Variants in ADAMTSL1 observed in about 807,000 individuals in gnomAD.
ADAMTSL1 encodes the protein ADAMTS-like protein 1.
ADAMTSL1 carries 126 observed loss-of-function variants against 201.8 expected under a neutral mutation model. That is an observed-to-expected ratio of 0.62 (90% confidence interval 0.54 to 0.72). The LOEUF is 0.72. Ranked by LOEUF, ADAMTSL1 falls within the 30% of genes least tolerant of loss-of-function variation. ADAMTSL1 has a pLI of 0.00. For synonymous variants in ADAMTSL1, 1,121 were observed against 903.4 expected (o/e 1.24, Z -4.32); for missense variants, 2,679 against 2,277.8 (o/e 1.18, Z -3.59).
rs117601630 is a variant in ADAMTSL1 at position 18,339,081 on chromosome 9, C to T, written c.208-165748C>T. On this transcript the variant is annotated intron_variant, in intron 2 of 29. Transcript: ENST00000680146. ...CTATAGTGAATAGTGCTGCAGTGAA[C>T]ATACTCATGCACGTGTCTTTATGTC... Among the ~76,000 whole-genome samples, 6 of 152,206 alleles carry T rather than the reference C, an allele frequency of 3.9e-5. No homozygotes were observed. The East Asian group carries it at 1.2e-3, about 29-fold the overall frequency.
In ADAMTSL1 at chr9:18,229,860, T is replaced by G. The variant is rs141639466; in HGVS notation, c.207+65879T>G. Among the ~76,000 whole-genome samples the G allele has an allele frequency of 1.9e-3, 294 of 152,178 alleles. 2 individuals are homozygous for G. The highest frequency in any genetic ancestry group is 6.8e-3 in the African/African-American group (281 of 41,516). ...ACAGGTGTCCACCAACATGCCCGGCTAATTTTTTGTATTTTTAGTAGAGAT... is the reference window on the plus strand; with the variant it reads ...ACAGGTGTCCACCAACATGCCCGGCGAATTTTTTGTATTTTTAGTAGAGAT... On this transcript the variant is annotated intron_variant, in intron 2 of 29. Coordinates refer to the ADAMTSL1 transcript ENST00000680146.
chr9:18,840,680 C>G (rs1052981848), intron 23 of ADAMTSL1, among the ~76,000 whole-genome samples: 3 of 151,892 alleles, frequency 2.0e-5, no homozygotes, highest in African/African-American at 7.3e-5. Flanking sequence ...ATGGAATGTT[C>G]TTCCATTTGT....
intron 2 of ADAMTSL1, among the ~76,000 whole-genome samples, chr9:18,183,749 T>G (rs1018935224): frequency 1.9e-4 from 29 of 152,300 alleles, no homozygotes; most frequent in Middle Eastern, 3.4e-3. Flanking sequence ...ATTCAGTAAT[T>G]TATGTAAAAA....
At chr9:18,893,381 T>G (rs1326173768) in intron 26 of ADAMTSL1, among the ~76,000 whole-genome samples, 2 of 152,190 alleles carry the variant, frequency 1.3e-5, no homozygotes, top group African/African-American at 4.8e-5. Flanking sequence ...TGATTATGTT[T>G]CCTAACAGAG....
chr9:18,391,132 A>C (rs1208902932), intron 2 of ADAMTSL1, among the ~76,000 whole-genome samples: 1 of 152,144 alleles, frequency 6.6e-6, no homozygotes, highest in Non-Finnish European at 1.5e-5. Context: ...TTGTGCCTGG[A>C]GGAGGGAAAT....
At chr9:17,931,774 C>T (rs79703853) in intron 1 of ADAMTSL1, among the ~76,000 whole-genome samples, 15 of 152,056 alleles carry the variant, frequency 9.9e-5, no homozygotes, top group African/African-American at 3.6e-4. Context: ...CTTCTTGGTT[C>T]TTTAATAGGA....
At chr9:18,851,929 G>A (rs1826520941) in intron 23 of ADAMTSL1, among the ~76,000 whole-genome samples, 1 of 152,196 alleles carries the variant, frequency 6.6e-6, no homozygotes, top group Non-Finnish European at 1.5e-5. Context: ...AGCTTCAGGT[G>A]TTTTCTCCTA....
chr9:18,354,715 C>A (rs973730203), intron 2 of ADAMTSL1, among the ~76,000 whole-genome samples: 3 of 152,112 alleles, frequency 2.0e-5, no homozygotes, highest in African/African-American at 7.2e-5. Context: ...CACCTGTAGT[C>A]CCAGCACTTT....
intron 1 of ADAMTSL1, among the ~76,000 whole-genome samples, chr9:17,992,594 C>T (rs1011268402): frequency 7.2e-5 from 11 of 151,950 alleles, no homozygotes; most frequent in Admixed American, 3.3e-4. Flanking sequence ...AAGACCATCC[C>T]GGGAAAAGTA....
In ADAMTSL1 at chr9:18,752,596, A is replaced by G. The variant is rs1014568405; in HGVS notation, c.2007-702A>G. On this transcript the variant is annotated intron_variant, in intron 15 of 28. Transcript: ENST00000380548. Reference sequence around the variant, plus strand: ...TAGGCCCTTAGCTCACTATAAACGTACTTCTCAAGTCTTGGCCCTTTGGAA... The same window carrying G: ...TAGGCCCTTAGCTCACTATAAACGTGCTTCTCAAGTCTTGGCCCTTTGGAA... Among the ~76,000 whole-genome samples, 36 of 152,164 alleles carry G rather than the reference A, an allele frequency of 2.4e-4. 1 individual carries two copies. The highest frequency in any genetic ancestry group is 2.6e-4 in the Admixed American group (4 of 15,282).
chr9:18,384,374 G>T (rs1837696939), intron 2 of ADAMTSL1, among the ~76,000 whole-genome samples: 1 of 152,078 alleles, frequency 6.6e-6, no homozygotes, highest in African/African-American at 2.4e-5. Context: ...CCTCTCACCA[G>T]GTCCCTCCCC....
intron 1 of ADAMTSL1, among the ~76,000 whole-genome samples, chr9:18,052,990 C>G (rs1822003733): frequency 6.6e-6 from 1 of 152,168 alleles, no homozygotes; most frequent in Non-Finnish European, 1.5e-5. Context: ...CTTTCTGTTT[C>G]CTCAATCTTT....
intron 1 of ADAMTSL1, among the ~76,000 whole-genome samples, chr9:18,108,881 C>T (rs991617263): frequency 6.6e-6 from 1 of 151,944 alleles, no homozygotes; most frequent in Non-Finnish European, 1.5e-5. Flanking sequence ...TTGAAATTCA[C>T]CAGCAGTTAC....
chr9:18,491,385 A>G (rs1822264578), intron 1 of ADAMTSL1, among the ~76,000 whole-genome samples: 1 of 152,196 alleles, frequency 6.6e-6, no homozygotes, highest in Non-Finnish European at 1.5e-5. Context: ...TATTTCTCTT[A>G]AACAACATCG....
intron 2 of ADAMTSL1, among the ~76,000 whole-genome samples, chr9:18,244,136 T>A (rs568574559): frequency 6.6e-6 from 1 of 151,310 alleles, no homozygotes; most frequent in African/African-American, 2.4e-5. Flanking sequence ...TGTGGCCAAT[T>A]CATAGCTGCC....
intron 2 of ADAMTSL1, among the ~76,000 whole-genome samples, chr9:18,531,893 A>C (rs941283862): frequency 4.6e-5 from 7 of 152,166 alleles, no homozygotes; most frequent in Admixed American, 2.6e-4. Flanking sequence ...TTAGCTCTAC[A>C]ACTTAACAGT....
intron 19 of ADAMTSL1, among the ~76,000 whole-genome samples, chr9:18,785,764 T>C (rs1210065101): frequency 1.3e-5 from 2 of 152,224 alleles, no homozygotes; most frequent in African/African-American, 4.8e-5. Flanking sequence ...TGGACAAATA[T>C]ATGTTCAGTA....
At chr9:18,247,528 G>A (rs555093373) in intron 2 of ADAMTSL1, among the ~76,000 whole-genome samples, 2 of 152,324 alleles carry the variant, frequency 1.3e-5, no homozygotes, top group East Asian at 3.9e-4. Flanking sequence ...AAGTTGGTGG[G>A]AAGTGCTAAA....
At chr9:18,526,995 G>A (rs1564019849) in intron 2 of ADAMTSL1, among the ~76,000 whole-genome samples, 2 of 152,122 alleles carry the variant, frequency 1.3e-5, no homozygotes. Context: ...AGAGAGATAG[G>A]CTTGTATTCA....
Sources: gnomAD v4.1 joint callset for allele counts (sites outside exome capture counted in the v4.1 genomes callset) on GRCh38, gnomAD v4.1.1 for gene constraint, MANE v1.5 for transcripts, NCBI Gene and HGNC (gene_info 2026-07-23, HGNC 2026-07-21) for gene names.